DEPTOR: variants seen among roughly 807,000 people sequenced by gnomAD.
DEPTOR encodes the protein DEP domain containing MTOR interacting protein, also known as DEP domain-containing mTOR-interacting protein.
DEPTOR carries 41 observed loss-of-function variants against 41.6 expected under a neutral mutation model. That is an observed-to-expected ratio of 0.98 (90% CI 0.77 to 1.28). DEPTOR has a LOEUF of 1.28. DEPTOR is among the 50% of genes most tolerant of loss of function. The pLI is 0.00. For synonymous variants in DEPTOR, 195 were observed against 192.3 expected (o/e 1.01, Z -0.12); for missense variants, 514 against 527.9 (o/e 0.97, Z 0.26).
At chr8:119,950,837 A>T (rs1372349274) in intron 3 of DEPTOR, among the ~76,000 whole-genome samples, 1 of 152,088 alleles carries the variant, frequency 6.6e-6, no homozygotes, top group East Asian at 1.9e-4. Context: ...GCCTCAAGAG[A>T]TCTGCCCACC....
chr8:119,879,444 C>G (rs1183403827), intron 1 of DEPTOR, among the ~76,000 whole-genome samples: 4 of 152,178 alleles, frequency 2.6e-5, no homozygotes, highest in Non-Finnish European at 5.9e-5. Flanking sequence ...AGTGCAGTGG[C>G]TCACGCCTAT....
chr8:119,949,600 TC>T (rs2129921430), intron 3 of DEPTOR, among the ~76,000 whole-genome samples: 1 of 152,360 alleles, frequency 6.6e-6, no homozygotes, highest in East Asian at 1.9e-4. Context: ...TATTTGCAGT[TC>T]CCTGATGCAA....
intron 3 of DEPTOR, among the ~76,000 whole-genome samples, chr8:119,931,589 A>G (rs1342454039): frequency 1.3e-5 from 2 of 152,110 alleles, no homozygotes; most frequent in Admixed American, 6.6e-5. Context: ...GCTCTGTCCC[A>G]GTTCTTGTCT....
Position 119,926,093 on chromosome 8 carries a change from G to GT in DEPTOR, c.123-2300dup, listed in dbSNP as rs1342528819. 1.2e-4 allele frequency among the ~76,000 whole-genome samples: 18 copies of GT among 152,170 alleles called. No homozygotes were observed. The East Asian group carries it at 3.3e-3, about 28-fold the overall frequency. On this transcript the variant is annotated intron_variant, in intron 1 of 8. Coordinates refer to ENST00000286234, the MANE Select transcript of DEPTOR (RefSeq NM_022783.4). ...CTTTGTCTGGCTACTTCTGTTTGCT[G>GT]TTTTTTTAAAAAATTATTTTCCTTA...
chr8:120,016,093 C>T (rs534325908), intron 8 of DEPTOR, among the ~76,000 whole-genome samples: 52 of 152,266 alleles, frequency 3.4e-4, no homozygotes, highest in African/African-American at 1.2e-3. Context: ...ACCCCTTTTC[C>T]TCTCTATCTG....
At chr8:119,964,216 A>G (rs1828526762) in intron 3 of DEPTOR, among the ~76,000 whole-genome samples, 2 of 152,246 alleles carry the variant, frequency 1.3e-5, no homozygotes, top group South Asian at 4.2e-4. Context: ...GAGATTCACC[A>G]TATGTAATTA....
intron 4 of DEPTOR, among the ~76,000 whole-genome samples, chr8:119,973,203 T>C (rs958701838): frequency 6.6e-6 from 1 of 151,878 alleles, no homozygotes; most frequent in African/African-American, 2.4e-5. Context: ...CCTCCCAAAG[T>C]GTTGAGATTA....
At chr8:119,876,212 T>A (rs1827229752) in intron 1 of DEPTOR, among the ~76,000 whole-genome samples, 1 of 152,178 alleles carries the variant, frequency 6.6e-6, no homozygotes, top group Non-Finnish European at 1.5e-5. Flanking sequence ...CTGCAGCAGT[T>A]TTGAGAGCCA....
chr8:119,982,023 A>AAT (rs1828775856), intron 4 of DEPTOR, among the ~76,000 whole-genome samples: 1 of 150,992 alleles, frequency 6.6e-6, no homozygotes, highest in Non-Finnish European at 1.5e-5. Flanking sequence ...CTAAAAAAAA[A>AAT]AAAAAAAAAA....
chr8:119,979,095 G>C (rs1477168701), intron 4 of DEPTOR, among the ~76,000 whole-genome samples: 1 of 152,136 alleles, frequency 6.6e-6, no homozygotes, highest in Non-Finnish European at 1.5e-5. Context: ...ACGGTATGAA[G>C]ATGAAATTTA....
chr8:119,915,319 G>T (rs1040695782), intron 1 of DEPTOR, among the ~76,000 whole-genome samples: 12 of 152,022 alleles, frequency 7.9e-5, no homozygotes, highest in African/African-American at 2.9e-4. Context: ...TATATATTTT[G>T]TCTTTGTCTA....
intron 4 of DEPTOR, among the ~76,000 whole-genome samples, chr8:119,983,975 G>C (rs1828799874): frequency 6.6e-6 from 1 of 152,044 alleles, no homozygotes. Flanking sequence ...AGTTAATATG[G>C]TAACCTTCCT....
chr8:119,995,182 T>C (rs778027599), intron 4 of DEPTOR, among the ~76,000 whole-genome samples: 1 of 152,152 alleles, frequency 6.6e-6, no homozygotes, highest in Non-Finnish European at 1.5e-5. Context: ...TGGAATATAT[T>C]CAAAAAATTG....
At chr8:120,024,424 A>G (rs1020698040) in intron 8 of DEPTOR, among the ~76,000 whole-genome samples, 2 of 152,154 alleles carry the variant, frequency 1.3e-5, no homozygotes, top group African/African-American at 4.8e-5. Context: ...GATATGTTGA[A>G]GTCCTAACCC....
intron 4 of DEPTOR, among the ~76,000 whole-genome samples, chr8:119,979,824 CCTT>C (rs1828740417): frequency 6.6e-6 from 1 of 152,062 alleles, no homozygotes; most frequent in Non-Finnish European, 1.5e-5. Flanking sequence ...ACTCTGAAAT[CCTT>C]CTTGGTGCTG....
At chr8:120,024,403 TC>T (rs1812768396) in intron 8 of DEPTOR, among the ~76,000 whole-genome samples, 2 of 152,022 alleles carry the variant, frequency 1.3e-5, no homozygotes, top group South Asian at 2.1e-4. Context: ...CTGAATTTTG[TC>T]CCCCAAAAAG....
intron 1 of DEPTOR, among the ~76,000 whole-genome samples, chr8:119,893,504 G>A (rs1421786297): frequency 6.6e-6 from 1 of 152,160 alleles, no homozygotes; most frequent in Non-Finnish European, 1.5e-5. Context: ...TACTGAGAGT[G>A]CATGAAGTTG....
intron 6 of DEPTOR, among the ~76,000 whole-genome samples, chr8:120,005,242 T>C (rs1812414937): frequency 6.6e-6 from 1 of 152,206 alleles, no homozygotes; most frequent in Non-Finnish European, 1.5e-5. Flanking sequence ...CCACTTTTCT[T>C]ACCTCCCATC....
At chr8:119,904,536 G>T (rs556143267) in intron 1 of DEPTOR, among the ~76,000 whole-genome samples, 2 of 151,508 alleles carry the variant, frequency 1.3e-5, no homozygotes, top group South Asian at 4.2e-4. Flanking sequence ...ACTCTGTCAC[G>T]CAGGCTGCAG....
Sources: allele counts gnomAD v4.1 joint callset (sites outside exome capture counted in the v4.1 genomes callset), GRCh38; gene constraint gnomAD v4.1.1; transcripts MANE v1.5; gene names NCBI Gene and HGNC (gene_info 2026-07-23, HGNC 2026-07-21).